The following EFCAB5 variants were observed in gnomAD, a reference collection of about 807,000 sequenced individuals.
The protein encoded by EFCAB5 is EF-hand calcium binding domain 5.
Under a neutral mutation model 167.9 loss-of-function variants are expected in EFCAB5, and 131 were observed. That is an observed-to-expected ratio of 0.78 (90% confidence interval 0.68 to 0.90). EFCAB5 has a LOEUF of 0.90. Ranked by LOEUF, EFCAB5 falls within the 40% of genes least tolerant of loss-of-function variation. The pLI, the probability that EFCAB5 is intolerant of heterozygous loss-of-function variation, is 0.00. For missense variants in EFCAB5, 1,663 were observed against 1,745.2 expected (o/e 0.95, Z 0.84); for synonymous variants, 574 against 602.8 (o/e 0.95, Z 0.70).
intron 8 of EFCAB5, among the ~76,000 whole-genome samples, chr17:30,048,199 T>C (rs1317006539): frequency 1.3e-5 from 2 of 152,204 alleles, no homozygotes; most frequent in East Asian, 3.8e-4. Context: ...TTCTGGTTCT[T>C]GGATGTTTAA....
intron 8 of EFCAB5, among the ~76,000 whole-genome samples, chr17:30,048,519 G>A (rs1384287180): frequency 6.7e-6 from 1 of 149,498 alleles, no homozygotes. Flanking sequence ...TTGTGAGACA[G>A]AGTCTCACCC....
chr17:29,979,133 C>T lies in EFCAB5; in HGVS notation c.767+9766C>T, dbSNP rs536993007. ...TTGGGAGGCCGAGGTGGGTGGATCA[C>T]GAGGTCAGGAGTTCAAGACCAGCCT... On this transcript the variant is annotated intron_variant, in intron 4 of 22. Coordinates refer to ENST00000394835, the MANE Select transcript of EFCAB5 (RefSeq NM_198529.4). Among the ~76,000 whole-genome samples, 52 of 152,088 alleles carry T rather than the reference C, an allele frequency of 3.4e-4. No homozygotes were observed. The East Asian group carries it at 7.0e-3, about 20-fold the overall frequency.
intron 8 of EFCAB5, among the ~76,000 whole-genome samples, chr17:30,040,713 T>C (rs1323329203): frequency 6.6e-6 from 1 of 152,186 alleles, no homozygotes; most frequent in Admixed American, 6.5e-5. Flanking sequence ...TCAAAGCTTA[T>C]CTTGGTTTAA....
chr17:30,068,869 A>G (rs1597758301), intron 14 of EFCAB5: 8 of 1,472,540 alleles, frequency 5.4e-6, no homozygotes, highest in Non-Finnish European at 7.6e-6. Flanking sequence ...TTATAGCCAT[A>G]CCATGTCTGA....
At chr17:29,996,210 A>C in intron 5 of EFCAB5, 102 bp from the exon 6 acceptor site, 1 of 971,248 alleles carries the variant, frequency 1.0e-6, no homozygotes, top group Non-Finnish European at 1.5e-6. Context: ...CCCAATACTA[A>C]AACAGAAAGA....
intron 14 of EFCAB5, among the ~76,000 whole-genome samples, chr17:30,076,211 A>G (rs554589256): frequency 1.2e-4 from 18 of 152,322 alleles, no homozygotes; most frequent in African/African-American, 4.3e-4. Flanking sequence ...ACATGCTCAC[A>G]GTTTCATTCA....
intron 22 of EFCAB5, among the ~76,000 whole-genome samples, chr17:30,107,066 G>C (rs777985799): frequency 6.6e-6 from 1 of 152,162 alleles, no homozygotes; most frequent in African/African-American, 2.4e-5. Context: ...TCTTTCCATT[G>C]GACAGAACCC....
At position 30,087,101 on chromosome 17, in the gene EFCAB5, G is replaced by A. The variant is rs751074430; in HGVS notation, c.3618G>A (p.Gly1206=). The stretch of plus-strand genomic sequence containing the variant: ...TTTTACGCAACATGATGGTTACAGG[G>A]CAGCTGGGTCTAACAGAAATCCACA... ...DYVLRNMMVT[G]QLGLTEIHKN... is the part of the protein sequence containing the mutation. Residue 1206 remains glycine (G), a synonymous_variant, in exon 19 of 23, where the codon GGG becomes GGA. Transcript: ENST00000394835. 1.2e-6 allele frequency: 2 copies of A among 1,613,444 alleles called. No homozygotes were observed. Among genetic ancestry groups the A allele is most frequent in the East Asian group, 2.2e-5 (1 of 44,854 alleles).
intron 8 of EFCAB5, among the ~76,000 whole-genome samples, chr17:30,043,288 C>T (rs564412581): frequency 4.5e-4 from 68 of 152,236 alleles, no homozygotes; most frequent in African/African-American, 1.6e-3. Flanking sequence ...CAACTTACAG[C>T]TATACTTACA....
chr17:30,097,014 A>ATATACATATACG (rs1567777215), intron 22 of EFCAB5, among the ~76,000 whole-genome samples: 1 of 117,674 alleles, frequency 8.5e-6, no homozygotes, highest in African/African-American at 4.0e-5. Context: ...ATACATATAC[A>ATATACATATACG]TATACATATA....
chr17:30,005,066 T>A (rs1320534856), intron 7 of EFCAB5, among the ~76,000 whole-genome samples: 2 of 152,106 alleles, frequency 1.3e-5, no homozygotes, highest in Non-Finnish European at 2.9e-5. Flanking sequence ...AGTGTTAGAG[T>A]CCCAGAAATG....
chr17:30,062,791 C>T (rs561526045), intron 14 of EFCAB5, among the ~76,000 whole-genome samples: 29 of 152,240 alleles, frequency 1.9e-4, no homozygotes, highest in African/African-American at 4.1e-4. Flanking sequence ...CTCCATCTAC[C>T]GCTCCCTTCA....
chr17:30,036,071 A>G (rs1430396043), intron 8 of EFCAB5, among the ~76,000 whole-genome samples: 1 of 142,580 alleles, frequency 7.0e-6, no homozygotes, highest in East Asian at 2.0e-4. Context: ...CCATATATTT[A>G]TATATATTTT....
rs1222694378 is a variant in EFCAB5, at chr17:30,090,526, G to A, written c.3789G>A (p.Leu1263=). 1.2e-6 allele frequency: 2 copies of A among 1,613,986 alleles called. No individual in the cohort carries two copies. Among genetic ancestry groups the A allele is most frequent in the Non-Finnish European group, 1.7e-6 (2 of 1,179,882 alleles). Residue 1263 remains leucine (L), a synonymous_variant, in exon 20 of 23, where the codon CTG becomes CTA. Transcript: ENST00000394835. The part of the protein sequence containing the change: ...VPLRERTGEA[L]GVLDFNIGQN... ...TTCGTGAGAGAACAGGAGAGGCTCT[G>A]GGAGTCCTCGATTTTAACATCGGCC...
intron 3 of EFCAB5, among the ~76,000 whole-genome samples, chr17:29,962,529 G>C (rs1041539475): frequency 6.6e-6 from 1 of 151,300 alleles, no homozygotes; most frequent in Non-Finnish European, 1.5e-5. Flanking sequence ...GGACTGCAGT[G>C]ATGTAATCAT....
intron 12 of EFCAB5, among the ~76,000 whole-genome samples, chr17:30,056,865 GTTC>G (rs2070282633): frequency 1.3e-5 from 2 of 152,046 alleles, no homozygotes; most frequent in South Asian, 2.1e-4. Flanking sequence ...GCTAGTTCAT[GTTC>G]TTCTTCTTAG....
chr17:29,932,449 C>CTTT (rs35262851), intron 1 of EFCAB5, among the ~76,000 whole-genome samples: 47 of 66,736 alleles, frequency 7.0e-4, no homozygotes, highest in East Asian at 1.7e-3. Context: ...CTGTGCCCGG[C>CTTT]TTTTTTTTTT....
At chr17:29,996,282 T>C in intron 5 of EFCAB5, 30 bp from the exon 6 acceptor site, 1 of 1,530,240 alleles carries the variant, frequency 6.5e-7, no homozygotes, top group Non-Finnish European at 8.8e-7. Flanking sequence ...GCATATGGTT[T>C]CTTTCTTTTT....
chr17:30,088,969 C>T (rs530634315), intron 19 of EFCAB5, among the ~76,000 whole-genome samples: 69 of 152,082 alleles, frequency 4.5e-4, no homozygotes, highest in African/African-American at 1.7e-3. Context: ...ACTTTAAGTT[C>T]TAGGGTACAT....
Sources: gnomAD v4.1 joint callset for allele counts (sites outside exome capture counted in the v4.1 genomes callset) on GRCh38, gnomAD v4.1.1 for gene constraint, MANE v1.5 for transcripts, NCBI Gene and HGNC (gene_info 2026-07-23, HGNC 2026-07-21) for gene names.